Variants in ST7 observed in about 807,000 individuals in gnomAD.
ST7 encodes the protein suppressor of tumorigenicity 7 protein.
Under a neutral mutation model 78.7 loss-of-function variants are expected in ST7, and 28 were observed. That is an observed-to-expected ratio of 0.36 (90% CI 0.26 to 0.49). The LOEUF is 0.49. Ranked by LOEUF, ST7 falls within the 20% of genes least tolerant of loss-of-function variation. The probability of loss-of-function intolerance (pLI) is 0.99; values close to 1 mark genes in which losing one functional copy is unlikely to be tolerated. For synonymous variants in ST7, 247 were observed against 249.6 expected, an observed-to-expected ratio of 0.99 and a Z score of 0.10; for missense variants, 418 against 696.0, an observed-to-expected ratio of 0.60 and a Z score of 4.49.
intron 1 of ST7, chr7:117,072,734 G>A (rs952141235): frequency 1.3e-5 from 2 of 152,176 alleles, no homozygotes; most frequent in East Asian, 3.8e-4. Flanking sequence ...CACCTATTGA[G>A]CGAGTTTGAT....
At chr7:116,957,368 T>G (rs2116123354) in intron 1 of ST7, among the ~76,000 whole-genome samples, 1 of 152,238 alleles carries the variant, frequency 6.6e-6, no homozygotes, top group Admixed American at 6.5e-5. Context: ...ATAGTTTTTT[T>G]TTTTGTTTGT....
In ST7 at chr7:117,119,892, C is replaced by T. The variant is rs558701300; in HGVS notation, c.394+172C>T. On this transcript the variant is annotated intron_variant, in intron 3 of 15. Coordinates refer to ENST00000323984, the MANE Select transcript of ST7 (RefSeq NM_001369598.1). ...CTGTATCAGAGAGGGAGGGTATAAA[C>T]ATCCTAGGGAAAGGAAATGCTTATC... Among the ~76,000 whole-genome samples, 23 of 152,088 alleles carry T rather than the reference C, an allele frequency of 1.5e-4. No homozygotes were observed. The East Asian group carries it at 3.1e-3, about 20-fold the overall frequency.
intron 12 of ST7, among the ~76,000 whole-genome samples, chr7:117,200,546 C>T (rs1052577997): frequency 5.9e-5 from 9 of 152,150 alleles, no homozygotes; most frequent in Non-Finnish European, 1.3e-4. Context: ...AACCAGTAAA[C>T]CATCTGCTGT....
intron 1 of ST7, among the ~76,000 whole-genome samples, chr7:116,985,855 CAG>C (rs1222833504): frequency 2.3e-4 from 35 of 152,334 alleles, no homozygotes; most frequent in African/African-American, 7.5e-4. Context: ...CATTTTGAGA[CAG>C]AGTCTCGCTC....
intron 9 of ST7, among the ~76,000 whole-genome samples, chr7:117,157,694 CT>C (rs1203326510): frequency 9.2e-5 from 14 of 152,276 alleles, no homozygotes; most frequent in African/African-American, 3.4e-4. Context: ...ATAAAAAGTC[CT>C]TTCTGACAGT....
chr7:117,031,337 C>T lies in ST7; in HGVS notation c.152-68425C>T, dbSNP rs573324002. On this transcript the variant is annotated intron_variant, in intron 1 of 15. Transcript: ENST00000323984. ...CTATATAACAAAACTGCACATGTAC[C>T]CCTGAACCTAAAATAAATGTGTGTG... Among the ~76,000 whole-genome samples the T allele has an allele frequency of 1.1e-4, 3 of 28,282 alleles. 1 individual carries two copies. The highest frequency in any genetic ancestry group is 1.1e-3 in the South Asian group (1 of 900). The allele number at this position is 28,282 out of a possible 152,430, so 18.6% of individuals were successfully genotyped here.
At chr7:117,095,364 G>T (rs1409572025) in intron 1 of ST7, among the ~76,000 whole-genome samples, 2 of 152,166 alleles carry the variant, frequency 1.3e-5, no homozygotes, top group Non-Finnish European at 2.9e-5. Flanking sequence ...TCAACCTGCT[G>T]TATTATCCTC....
At chr7:117,103,108 G>A (rs755279031) in intron 2 of ST7, among the ~76,000 whole-genome samples, 2 of 152,102 alleles carry the variant, frequency 1.3e-5, no homozygotes, top group African/African-American at 4.8e-5. Flanking sequence ...AAGATATTTT[G>A]TGCTCGTGGA....
At chr7:117,033,555 C>G (rs929784837) in intron 1 of ST7, among the ~76,000 whole-genome samples, 10 of 151,974 alleles carry the variant, frequency 6.6e-5, no homozygotes, top group African/African-American at 2.2e-4. Flanking sequence ...TCCTAAATAG[C>G]TAGGATTACA....
intron 1 of ST7, 159 bp downstream of exon 1, chr7:116,953,850 C>A: frequency 3.2e-6 from 1 of 311,834 alleles, no homozygotes; most frequent in Non-Finnish European, 4.6e-6. Flanking sequence ...GCGGCTTAGG[C>A]GGCGGGGCCG....
chr7:117,162,632 G>T lies in ST7; in HGVS notation c.964-8230G>T, dbSNP rs553857029. Among the ~76,000 whole-genome samples the T allele has an allele frequency of 2.0e-5, 3 of 151,950 alleles. 1 individual carries two copies. In the South Asian group the frequency reaches 6.3e-4, roughly 32 times the overall value. On this transcript the variant is annotated intron_variant, in intron 9 of 15. Coordinates refer to ENST00000323984, the MANE Select transcript of ST7 (RefSeq NM_001369598.1). ...GAAGAGGTGCTGGGTTGTATGGTGG[G>T]CTTTTTCCATTTTGCTACAGTCTGC...
intron 9 of ST7, among the ~76,000 whole-genome samples, chr7:117,151,495 C>T (rs868461835): frequency 6.6e-6 from 1 of 152,188 alleles, no homozygotes; most frequent in Admixed American, 6.5e-5. Context: ...TTCCATGATA[C>T]CCAGTTGAAG....
chr7:117,137,448 A>T (rs191672017), intron 8 of ST7: 78 of 152,282 alleles, frequency 5.1e-4, no homozygotes, highest in African/African-American at 1.8e-3. Flanking sequence ...TCAATACATA[A>T]AATTACATAA....
intron 1 of ST7, among the ~76,000 whole-genome samples, chr7:117,015,741 C>T (rs1269758384): frequency 5.3e-5 from 8 of 152,168 alleles, no homozygotes; most frequent in African/African-American, 1.9e-4. Context: ...TGAGTCTTTG[C>T]CCAAAATTTG....
chr7:117,139,206 C>T (rs994618202), intron 9 of ST7, among the ~76,000 whole-genome samples: 7 of 152,028 alleles, frequency 4.6e-5, no homozygotes, highest in Non-Finnish European at 1.0e-4. Context: ...CTTGGATTTC[C>T]GTGTTTTTTG....
At chr7:117,093,800 TATTATGTTTAGCTCTTGTGA>T (rs1800823377) in intron 1 of ST7, among the ~76,000 whole-genome samples, 3 of 152,220 alleles carry the variant, frequency 2.0e-5, no homozygotes, top group Non-Finnish European at 4.4e-5. Flanking sequence ...TTATCTACAA[TATTATGTTTAGCTCTTGTGA>T]CAACTATGCA....
chr7:116,976,432 T>C (rs1293963383), intron 1 of ST7, among the ~76,000 whole-genome samples: 1 of 152,170 alleles, frequency 6.6e-6, no homozygotes, highest in African/African-American at 2.4e-5. Context: ...AGTCTGCAGG[T>C]TGGATTGAGG....
At chr7:116,961,557 TGTG>T (rs1792826703) in intron 1 of ST7, among the ~76,000 whole-genome samples, 3 of 27,602 alleles carry the variant, frequency 1.1e-4, no homozygotes, top group Non-Finnish European at 2.5e-4. Context: ...TATTCCTACG[TGTG>T]TGTGTGTGTG....
At chr7:117,218,410 G>T (rs1261219990) in intron 13 of ST7, among the ~76,000 whole-genome samples, 2 of 152,176 alleles carry the variant, frequency 1.3e-5, no homozygotes, top group African/African-American at 4.8e-5. Flanking sequence ...GTAATTCAGT[G>T]TGAGCCCTAA....
Sources: gnomAD v4.1 joint callset for allele counts (sites outside exome capture counted in the v4.1 genomes callset) on GRCh38, gnomAD v4.1.1 for gene constraint, MANE v1.5 for transcripts, NCBI Gene and HGNC (gene_info 2026-07-23, HGNC 2026-07-21) for gene names.